The following DOCK10 variants were observed in gnomAD, a reference collection of about 807,000 sequenced individuals.
DOCK10 encodes the protein dedicator of cytokinesis protein 10.
Under a neutral mutation model 280.1 loss-of-function variants are expected in DOCK10, and 145 were observed. The observed-to-expected ratio is 0.52, with a 90% CI of 0.45 to 0.59. DOCK10 has a LOEUF of 0.59. Ranked by LOEUF, DOCK10 falls within the 20% of genes least tolerant of loss-of-function variation. The probability of loss-of-function intolerance (pLI) is 0.00; values close to 1 mark genes in which losing one functional copy is unlikely to be tolerated. For missense variants in DOCK10, 2,368 were observed against 2,651.7 expected, an observed-to-expected ratio of 0.89 and a Z score of 2.35; for synonymous variants, 915 against 942.2, an observed-to-expected ratio of 0.97 and a Z score of 0.53.
intron 1 of DOCK10, chr2:224,946,894 G>A (rs1430236894): frequency 3.9e-6 from 6 of 1,546,678 alleles, no homozygotes; most frequent in Admixed American, 2.0e-5. Flanking sequence ...CTCACAGTTC[G>A]TCTCTTCTTC....
Position 224,876,184 on chromosome 2 carries a change from A to C in DOCK10, c.785T>G (p.Met262Arg). The part of the protein sequence containing the change: ...RLRKYAFELK[M>R]NDLTYFVLAA... The stretch of plus-strand genomic sequence containing the variant: ...CAGCACAAAATAGGTCAGATCATTC[A>C]TTTTCAATTCAAAGGCATATTTTCT... Residue 262 changes from methionine to arginine, a missense_variant, in exon 8 of 56, where the codon ATG becomes AGG. Met to Arg is a moderately conservative substitution (Grantham distance 91). Around this residue, in one of 2 missense-constraint regions of DOCK10, gnomAD observed 1,209 missense variants for 1,250.9 expected, o/e 0.97. Coordinates refer to ENST00000258390, the MANE Select transcript of DOCK10 (RefSeq NM_014689.3). 6.2e-7 allele frequency: 1 copy of C among 1,613,278 alleles called. No homozygotes were observed. The highest frequency in any genetic ancestry group is 8.5e-7 in the Non-Finnish European group (1 of 1,179,580).
intron 50 of DOCK10, 104 bp from the exon 51 acceptor site, chr2:224,778,388 G>T: frequency 8.6e-7 from 1 of 1,158,232 alleles, no homozygotes; most frequent in Non-Finnish European, 1.2e-6. Flanking sequence ...GTTTTTGGTT[G>T]TCATCTAATC....
At chr2:224,975,551 G>C (rs1396879856) in intron 1 of DOCK10, among the ~76,000 whole-genome samples, 1 of 152,158 alleles carries the variant, frequency 6.6e-6, no homozygotes, top group Non-Finnish European at 1.5e-5. Context: ...GGCAAAACAT[G>C]TTAACATTCT....
At chr2:224,845,091 T>C (rs1696246859) in intron 21 of DOCK10, 112 bp downstream of exon 21, 3 of 1,147,222 alleles carry the variant, frequency 2.6e-6, no homozygotes, top group South Asian at 3.2e-5. Flanking sequence ...ACTTGATTCA[T>C]AGCTACAAGG....
At chr2:225,010,116 G>A (rs908053348) in intron 1 of DOCK10, among the ~76,000 whole-genome samples, 13 of 152,130 alleles carry the variant, frequency 8.5e-5, no homozygotes, top group Non-Finnish European at 1.9e-4. Context: ...GGTGTGTGGG[G>A]CCTTGGCTAG....
At chr2:225,014,997 T>C (rs1317932711) in intron 1 of DOCK10, among the ~76,000 whole-genome samples, 1 of 152,196 alleles carries the variant, frequency 6.6e-6, no homozygotes, top group Non-Finnish European at 1.5e-5. Context: ...GTGGTTATAA[T>C]GTAATTGGTG....
intron 31 of DOCK10, among the ~76,000 whole-genome samples, chr2:224,812,240 T>C (rs945222641): frequency 8.5e-5 from 13 of 152,228 alleles, no homozygotes; most frequent in Non-Finnish European, 1.6e-4. Context: ...TTTATTCTCT[T>C]TGAAGTAATT....
chr2:224,948,473 GT>G (rs1703550281), intron 1 of DOCK10, among the ~76,000 whole-genome samples: 1 of 152,162 alleles, frequency 6.6e-6, no homozygotes, highest in Non-Finnish European at 1.5e-5. Flanking sequence ...CACCCTCAAA[GT>G]AACGCTTTGA....
rs1206163120 is a variant in DOCK10 at position 224,840,032 on chromosome 2, A to G, written c.2702T>C (p.Phe901Ser). 6.4e-7 allele frequency: 1 copy of G among 1,562,364 alleles called. No individual in the cohort carries two copies. Among genetic ancestry groups the G allele is most frequent in the African/African-American group, 1.3e-5 (1 of 74,164 alleles). Residue 901 changes from phenylalanine (F) to serine (S), a missense_variant, in exon 24 of 56, where the codon TTT becomes TCT. Transcript: ENST00000258390. ...GAGCTGATTCAAAATTATAGGCAGA[A>G]AACTCATGATTGCATGAATCTTTTC... Reference protein sequence around the residue: ...NVEKIHAIMSFLPIILNQLFK... With the variant: ...NVEKIHAIMSSLPIILNQLFK...
rs1171028746 is a variant in DOCK10 at position 224,794,755 on chromosome 2, G to A, written c.5154+124C>T. On this transcript the variant is annotated intron_variant, in intron 45 of 55. Coordinates refer to ENST00000258390, the MANE Select transcript of DOCK10 (RefSeq NM_014689.3). ...AATGTATTGTATATGATATATAACT[G>A]AGTCATTTCTAGATTAGTTGAAAAA... The A allele has an allele frequency of 4.7e-6, 4 of 845,324 alleles. No homozygotes were observed. The East Asian group carries it at 1.0e-4, about 21-fold the overall frequency. The allele number at this position is 845,324 out of a possible 1,614,324, so 52.4% of individuals were successfully genotyped here.
intron 11 of DOCK10, among the ~76,000 whole-genome samples, chr2:224,873,250 A>G (rs59751848): frequency 0.18 from 26,638 of 152,052 alleles, 3,833 homozygotes; most frequent in African/African-American, 0.4. Flanking sequence ...ATGAAAATAA[A>G]CATAGAAATA....
chr2:224,895,289 A>G lies in DOCK10; in HGVS notation c.416+1006T>C, dbSNP rs185366839. ...AGGAAATATAGCAAAGTGGTTCCCA[A>G]TTCTGTACCATGTGTCTATTAAAAA... is the stretch of plus-strand genomic sequence containing the variant. On this transcript the variant is annotated intron_variant, in intron 4 of 55. Transcript: ENST00000258390. Among the ~76,000 whole-genome samples, 7 of 152,344 alleles carry G rather than the reference A, an allele frequency of 4.6e-5. No homozygotes were observed. In the East Asian group the frequency reaches 9.6e-4, roughly 21 times the overall value.
intron 46 of DOCK10, 124 bp downstream of exon 46, chr2:224,793,276 T>A: frequency 1.2e-6 from 1 of 835,386 alleles, no homozygotes; most frequent in Non-Finnish European, 1.8e-6. Flanking sequence ...ATTAGAAGTA[T>A]CTGTGAAAGC....
In DOCK10 at chr2:224,957,290, C is replaced by CT. The variant is rs773331976; in HGVS notation, c.124-25623_124-25622insA. ...GTATTTAGTTTTTACTTTCCGCCCC[C>CT]CCCCGGCTTTGTTTTTCGGAGATGG... On this transcript the variant is annotated intron_variant, in intron 1 of 55. Coordinates refer to ENST00000258390, the MANE Select transcript of DOCK10 (RefSeq NM_014689.3). Among the ~76,000 whole-genome samples, 793 of 146,694 alleles carry CT rather than the reference C, an allele frequency of 5.4e-3. 31 individuals carry two copies. The highest frequency in any genetic ancestry group is 0.018 in the African/African-American group (682 of 38,590).
intron 18 of DOCK10, among the ~76,000 whole-genome samples, chr2:224,851,957 A>G (rs1308700780): frequency 6.6e-6 from 1 of 152,120 alleles, no homozygotes; most frequent in Non-Finnish European, 1.5e-5. Context: ...TGCACCTTCC[A>G]TAATGTGAGC....
intron 15 of DOCK10, among the ~76,000 whole-genome samples, chr2:224,855,304 T>G (rs2125568908): frequency 6.6e-6 from 1 of 152,324 alleles, no homozygotes; most frequent in Non-Finnish European, 1.5e-5. Context: ...AATTTTAAAT[T>G]TATTTCCTTC....
At position 225,042,178 on chromosome 2, in the gene DOCK10, T is replaced by C. The variant is rs1030042628; in HGVS notation, c.123+74A>G. 9.4e-5 allele frequency: 114 copies of C among 1,212,686 alleles called. No individual in the cohort carries two copies. The highest frequency in any genetic ancestry group is 1.1e-4 in the Non-Finnish European group (111 of 974,954). The allele number at this position is 1,212,686 out of a possible 1,614,324, so 75.1% of individuals were successfully genotyped here. On this transcript the variant is annotated intron_variant, in intron 1 of 55. Transcript: ENST00000258390. This position sits in a 1 kb window ranked among gnomAD's most constrained non-coding sequence, Gnocchi z 5.1. ...GCGGGGACCTGGGCCCGCCGAGCTTTTGGGGAAGCTGGGCTCCGTTCCCCC... is the reference window on the plus strand; with the variant it reads ...GCGGGGACCTGGGCCCGCCGAGCTTCTGGGGAAGCTGGGCTCCGTTCCCCC...
intron 39 of DOCK10, among the ~76,000 whole-genome samples, chr2:224,802,701 T>C (rs918427563): frequency 6.6e-6 from 1 of 152,230 alleles, no homozygotes; most frequent in African/African-American, 2.4e-5. Context: ...GAATATTTCC[T>C]ACTGCTGACT....
intron 3 of DOCK10, among the ~76,000 whole-genome samples, chr2:224,911,432 A>G (rs1701005796): frequency 6.6e-6 from 1 of 152,216 alleles, no homozygotes; most frequent in African/African-American, 2.4e-5. Flanking sequence ...TAGTCCTTTG[A>G]AGTCTCTTGT....
Sources: gnomAD v4.1 joint callset for allele counts (sites outside exome capture counted in the v4.1 genomes callset) on GRCh38, gnomAD v4.1.1 for gene constraint, gnomAD v4.1.1 regional missense constraint, Gnocchi (gnomAD v3.1) non-coding constraint, MANE v1.5 for transcripts, NCBI Gene and HGNC (gene_info 2026-07-23, HGNC 2026-07-21) for gene names.